The following PDE1A variants were observed in gnomAD, a reference collection of about 807,000 sequenced individuals.
PDE1A encodes phosphodiesterase 1A, also known as dual specificity calcium/calmodulin-dependent 3',5'-cyclic nucleotide phosphodiesterase 1A.
PDE1A carries 35 observed loss-of-function variants against 61.7 expected under a neutral mutation model. The observed-to-expected ratio is 0.57, with a 90% CI of 0.43 to 0.75. The LOEUF (loss-of-function observed/expected upper bound fraction) is 0.75, where lower values mean the gene tolerates loss of function less well. PDE1A is among the 30% of genes least tolerant of loss of function. PDE1A has a pLI of 0.00. For missense variants in PDE1A, 597 were observed against 630.6 expected (o/e 0.95, Z 0.57); for synonymous variants, 232 against 213.2 (o/e 1.09, Z -0.77).
the PDE1A span, among the ~76,000 whole-genome samples, chr2:182,696,795 A>G: frequency 0.015 from 2,350 of 152,274 alleles, 17 homozygotes; most frequent in Middle Eastern, 0.054. Flanking sequence ...AATAAAGTCT[A>G]TTTTCAAAAA....
Position 182,360,580 on chromosome 2 carries a change from G to A in PDE1A, c.53+65998C>T, listed in dbSNP as rs926440788. 6.7e-5 allele frequency among the ~76,000 whole-genome samples: 10 copies of A among 149,274 alleles called. No individual in the cohort carries two copies. The East Asian group carries it at 1.8e-3, about 27-fold the overall frequency. On this transcript the variant is annotated intron_variant, in intron 1 of 13. Transcript: ENST00000351439. ...AAGATTGGTTTAACCATTAGACACA[G>A]TGGGCATAGTGCCCAGGGCCTATGA... is the stretch of plus-strand genomic sequence containing the variant.
At chr2:182,470,767 AAC>A (rs1328334417) in intron 2 of PDE1A, among the ~76,000 whole-genome samples, 1 of 151,838 alleles carries the variant, frequency 6.6e-6, no homozygotes, top group Non-Finnish European at 1.5e-5. Flanking sequence ...ACTATATACG[AAC>A]ACAGTCATGG....
exon 6 of PDE1A, chr2:182,230,105 T>G: frequency 6.2e-7 from 1 of 1,612,952 alleles, no homozygotes; most frequent in Non-Finnish European, 8.5e-7. Context: ...TGTAACCAAC[T>G]TCTAAAGCTT....
the PDE1A span, among the ~76,000 whole-genome samples, chr2:182,625,858 T>C: frequency 6.6e-6 from 1 of 152,160 alleles, no homozygotes; most frequent in Non-Finnish European, 1.5e-5. Flanking sequence ...TCCCTCCTCA[T>C]GTACAGCAAC....
intron 7 of PDE1A, among the ~76,000 whole-genome samples, chr2:182,209,770 T>TGTAA (rs1687425119): frequency 6.6e-6 from 1 of 152,092 alleles, no homozygotes; most frequent in African/African-American, 2.4e-5. Context: ...CTGCCACGAC[T>TGTAA]GTAAGTTTCC....
chr2:182,238,996 C>G (rs1690284789), intron 3 of PDE1A, among the ~76,000 whole-genome samples: 1 of 152,114 alleles, frequency 6.6e-6, no homozygotes, highest in Non-Finnish European at 1.5e-5. Context: ...CTGTGATTCT[C>G]TCACAGATTT....
At chr2:182,508,877 G>A (rs1175550141) in intron 2 of PDE1A, among the ~76,000 whole-genome samples, 1 of 147,936 alleles carries the variant, frequency 6.8e-6, no homozygotes, top group Non-Finnish European at 1.5e-5. Flanking sequence ...AGTTACATAC[G>A]TATACATGTG....
At chr2:182,431,121 T>TAAAA (rs538631665), upstream of PDE1A, among the ~76,000 whole-genome samples, 2 of 121,516 alleles carry the variant, frequency 1.6e-5, no homozygotes, top group East Asian at 2.5e-4. Flanking sequence ...AAAAAAACAT[T>TAAAA]AAAAAAAAAA....
At chr2:182,335,732 A>G (rs184984005) in intron 1 of PDE1A, among the ~76,000 whole-genome samples, 135 of 152,352 alleles carry the variant, frequency 8.9e-4, no homozygotes, top group Non-Finnish European at 7.6e-4. Context: ...GTAAAACATC[A>G]AAAGCAATGG....
At position 182,336,472 on chromosome 2, in the gene PDE1A, C is replaced by T. The variant is rs1435377396; in HGVS notation, c.54-72058G>A. 1.3e-5 allele frequency among the ~76,000 whole-genome samples: 2 copies of T among 152,078 alleles called. 1 individual carries two copies. The highest frequency in any genetic ancestry group is 2.9e-5 in the Non-Finnish European group (2 of 68,012). Reference sequence around the variant, plus strand: ...GATGAGTTCATGTCCTTTGCAGGGACATGGATGAAGCTGAACACCATCATT... The same window carrying T: ...GATGAGTTCATGTCCTTTGCAGGGATATGGATGAAGCTGAACACCATCATT... On this transcript the variant is annotated intron_variant, in intron 1 of 13. Coordinates refer to ENST00000351439, the Ensembl canonical transcript of PDE1A.
chr2:182,482,549 T>C (rs1400532642), intron 2 of PDE1A, among the ~76,000 whole-genome samples: 1 of 151,950 alleles, frequency 6.6e-6, no homozygotes, highest in African/African-American at 2.4e-5. Flanking sequence ...TGGATCACAT[T>C]GTCAGGACAA....
At chr2:182,709,870 C>T in the PDE1A span, among the ~76,000 whole-genome samples, 2 of 152,232 alleles carry the variant, frequency 1.3e-5, no homozygotes, top group South Asian at 4.2e-4. Flanking sequence ...ATCACCAAAT[C>T]GTACCTACTG....
At chr2:182,478,943 T>C (rs559109385) in intron 2 of PDE1A, among the ~76,000 whole-genome samples, 1 of 152,010 alleles carries the variant, frequency 6.6e-6, no homozygotes, top group African/African-American at 2.4e-5. Flanking sequence ...AAAACTAAAA[T>C]TATAATGGCA....
At chr2:182,637,125 A>C in the PDE1A span, among the ~76,000 whole-genome samples, 1 of 152,242 alleles carries the variant, frequency 6.6e-6, no homozygotes, top group East Asian at 1.9e-4. Flanking sequence ...AACATTAATC[A>C]CATCTGCAAA....
chr2:182,234,762 T>C (rs1211320565), intron 3 of PDE1A, among the ~76,000 whole-genome samples: 1 of 152,232 alleles, frequency 6.6e-6, no homozygotes, highest in Non-Finnish European at 1.5e-5. Flanking sequence ...TTCCCTGAAC[T>C]TGATCATATT....
At chr2:182,668,480 T>G in the PDE1A span, among the ~76,000 whole-genome samples, 1 of 150,750 alleles carries the variant, frequency 6.6e-6, no homozygotes. Flanking sequence ...CAAGAGTAAC[T>G]GTAAGCCACA....
downstream of PDE1A, among the ~76,000 whole-genome samples, chr2:182,145,450 G>A (rs994787219): frequency 1.3e-5 from 2 of 152,110 alleles, no homozygotes; most frequent in South Asian, 2.1e-4. Context: ...AAAAGGGGCC[G>A]GGTGCAGTGG....
intron 2 of PDE1A, among the ~76,000 whole-genome samples, chr2:182,251,705 T>A (rs1324743486): frequency 6.6e-6 from 1 of 152,250 alleles, no homozygotes; most frequent in African/African-American, 2.4e-5. Flanking sequence ...TGACATGTGC[T>A]GAATGGCACT....
upstream of PDE1A, among the ~76,000 whole-genome samples, chr2:182,526,107 C>T (rs1690770161): frequency 1.3e-5 from 2 of 151,942 alleles, no homozygotes; most frequent in South Asian, 4.1e-4. Flanking sequence ...TATTTAAAAA[C>T]AAAATACTGT....
Sources: gnomAD v4.1 joint callset for allele counts (sites outside exome capture counted in the v4.1 genomes callset) on GRCh38, gnomAD v4.1.1 for gene constraint, MANE v1.5 for transcripts, NCBI Gene and HGNC (gene_info 2026-07-23, HGNC 2026-07-21) for gene names.